Variants in ANK1 observed in about 807,000 individuals in gnomAD.
The protein encoded by ANK1 is ankyrin-1.
A neutral mutation model predicts 210.4 loss-of-function variants in ANK1; 51 were observed. That is an observed-to-expected ratio of 0.24 (90% CI 0.19 to 0.31). ANK1 has a LOEUF of 0.31. Among genes scored for constraint, ANK1 ranks in the 10% least tolerant of loss-of-function variants. The probability of loss-of-function intolerance (pLI) is 1.00; values close to 1 mark genes in which losing one functional copy is unlikely to be tolerated. For synonymous variants in ANK1, 967 were observed against 1,025.9 expected, an observed-to-expected ratio of 0.94 and a Z score of 1.10; for missense variants, 2,051 against 2,504.4, an observed-to-expected ratio of 0.82 and a Z score of 3.86.
chr8:41,707,573 C>T lies in ANK1; in HGVS notation c.1998+1205G>A, dbSNP rs569998771. On this transcript the variant is annotated intron_variant, in intron 17 of 42. Coordinates refer to ENST00000289734, the MANE Select transcript of ANK1 (RefSeq NM_000037.4). ...GGAGTGACTGTGTCAGCCTCTCAGG[C>T]GGGCGCTCTGCCTCATTCTTGAGCT... Among the ~76,000 whole-genome samples the T allele has an allele frequency of 5.3e-5, 8 of 152,306 alleles. No individual in the cohort carries two copies. In the South Asian group the frequency reaches 1.0e-3, roughly 20 times the overall value.
intron 36 of ANK1, among the ~76,000 whole-genome samples, chr8:41,685,203 A>G (rs1384585718): frequency 2.6e-5 from 4 of 152,242 alleles, no homozygotes; most frequent in African/African-American, 7.2e-5. Flanking sequence ...TGCTGGGATT[A>G]TAGGCATGAG....
intron 1 of ANK1, among the ~76,000 whole-genome samples, chr8:41,887,231 T>TCTTTC (rs1451364476): frequency 2.7e-5 from 4 of 147,172 alleles, no homozygotes; most frequent in Non-Finnish European, 4.4e-5. Context: ...TTTCTTCTTT[T>TCTTTC]CTTTCCTTTC....
Position 41,724,031 on chromosome 8 carries a change from G to A in ANK1, c.712-398C>T, listed in dbSNP as rs182410342. Among the ~76,000 whole-genome samples, 1,052 of 151,786 alleles carry A rather than the reference G, an allele frequency of 6.9e-3. 13 individuals are homozygous for A. Among genetic ancestry groups the A allele is most frequent in the East Asian group, 0.055 (280 of 5,130 alleles). Reference sequence around the variant, plus strand: ...TCTCGATCTCCTGACCTCGTGATCCGCCCGTCTCGGCCTCCCAAAGTGCTG... The same window carrying A: ...TCTCGATCTCCTGACCTCGTGATCCACCCGTCTCGGCCTCCCAAAGTGCTG... On this transcript the variant is annotated intron_variant, in intron 7 of 42. Transcript: ENST00000289734.
chr8:41,726,811 A>T (rs1830809423), intron 5 of ANK1, among the ~76,000 whole-genome samples: 1 of 152,012 alleles, frequency 6.6e-6, no homozygotes, highest in Non-Finnish European at 1.5e-5. Context: ...GAGTCAAGAG[A>T]CTCCTTGGCT....
chr8:41,874,983 G>T (rs1301105503), intron 1 of ANK1, among the ~76,000 whole-genome samples: 1 of 152,152 alleles, frequency 6.6e-6, no homozygotes, highest in Non-Finnish European at 1.5e-5. Context: ...GCACCCTCAG[G>T]AGAGACTGGG....
intron 39 of ANK1, 32 bp from the exon 40 acceptor site, chr8:41,663,774 T>C (rs1809370219): frequency 6.4e-7 from 1 of 1,558,458 alleles, no homozygotes; most frequent in South Asian, 1.1e-5. Context: ...AAATGCAAGA[T>C]TGGTGAGTGG....
chr8:41,666,077 A>G lies in ANK1; in HGVS notation c.5394+2190T>C, dbSNP rs1195409773. Among the ~76,000 whole-genome samples the G allele has an allele frequency of 3.3e-5, 5 of 152,262 alleles. No individual in the cohort carries two copies. The East Asian group carries it at 9.6e-4, about 29-fold the overall frequency. ...CTGGGACACAGCAGACTAACCCTGCAACTCACCTACTGTGGGGTCTTGGGA... is the reference window on the plus strand; with the variant it reads ...CTGGGACACAGCAGACTAACCCTGCGACTCACCTACTGTGGGGTCTTGGGA... On this transcript the variant is annotated intron_variant, in intron 39 of 42. Transcript: ENST00000289734.
intron 2 of ANK1, among the ~76,000 whole-genome samples, chr8:41,749,942 A>G (rs889759737): frequency 6.6e-6 from 1 of 152,228 alleles, no homozygotes; most frequent in African/African-American, 2.4e-5. Context: ...CCAACTCCCC[A>G]AATCCAAAGT....
chr8:41,894,769 G>A (rs1348008516), intron 1 of ANK1, among the ~76,000 whole-genome samples: 1 of 151,904 alleles, frequency 6.6e-6, no homozygotes, highest in Non-Finnish European at 1.5e-5. Flanking sequence ...GGTGAGCATC[G>A]CAGCGTAGAG....
chr8:41,750,024 A>G (rs972912991), intron 2 of ANK1, among the ~76,000 whole-genome samples: 1 of 152,236 alleles, frequency 6.6e-6, no homozygotes, highest in Non-Finnish European at 1.5e-5. Context: ...TGGAAATTGA[A>G]TGCCGTGAGC....
In ANK1 at chr8:41,672,797, G is replaced by A. The variant is rs771901218; in HGVS notation, c.4653C>T (p.Pro1551=). The A allele has an allele frequency of 6.2e-7, 1 of 1,605,586 alleles. No individual in the cohort carries two copies. The highest frequency in any genetic ancestry group is 8.5e-7 in the Non-Finnish European group (1 of 1,174,418). The change falls in exon 38 of 43, where the codon CCC becomes CCT. Residue 1551 remains proline (P), a synonymous_variant. Transcript: ENST00000289734. ...WNEVAVLDAI[P]LAATEHDTML... ...TGGTGTCATGCTCCGTGGCCGCCAA[G>A]GGGATGGCGTCTAGGACGGCCACCT...
rs1279872746 is a variant in ANK1 at position 41,715,172 on chromosome 8, A to T, written c.1603-98T>A. On this transcript the variant is annotated intron_variant, in intron 14 of 42. Coordinates refer to ENST00000289734, the MANE Select transcript of ANK1 (RefSeq NM_000037.4). ...GGAGGCTGCACCTCCGCTGGCATGG[A>T]GAGGCCAATGAAAGCAAAGGCACAG... is the stretch of plus-strand genomic sequence containing the variant. 4 of 1,158,394 alleles carry T rather than the reference A, an allele frequency of 3.5e-6. No individual in the cohort carries two copies. The East Asian group carries it at 9.5e-5, about 27-fold the overall frequency. 71.8% of individuals were successfully genotyped at this position (1,158,394 alleles called of 1,614,324 possible).
chr8:41,827,475 A>G (rs1805588246), intron 1 of ANK1, among the ~76,000 whole-genome samples: 1 of 152,214 alleles, frequency 6.6e-6, no homozygotes, highest in African/African-American at 2.4e-5. Context: ...CTCTCCACAT[A>G]CTATCTTCAC....
chr8:41,869,972 A>G (rs1365020396), intron 1 of ANK1, among the ~76,000 whole-genome samples: 1 of 152,216 alleles, frequency 6.6e-6, no homozygotes, highest in Non-Finnish European at 1.5e-5. Flanking sequence ...GATCTAAGAT[A>G]CAGATTCTTG....
rs992692042 is a variant in ANK1, at chr8:41,655,766, AAG to A, written c.*37-15_*37-14del. 2.5e-6 allele frequency: 4 copies of A among 1,613,810 alleles called. No individual in the cohort carries two copies. The African/African-American group carries it at 5.3e-5, about 22-fold the overall frequency. ...TCGAGGTGTGATCCTGGGAGACACA[AAG>A]AGAGAAGGAGTCACTTAGAATGCAA... On this transcript the variant is annotated splice_polypyrimidine_tract_variant and intron_variant, in intron 42 of 42. Transcript: ENST00000289734.
intron 2 of ANK1, among the ~76,000 whole-genome samples, chr8:41,738,338 T>C (rs1179174175): frequency 3.9e-5 from 6 of 152,114 alleles, no homozygotes; most frequent in Admixed American, 2.6e-4. Flanking sequence ...CCTCCAGCAA[T>C]TGGTCTTAGT....
At chr8:41,856,141 T>C (rs1179234682) in intron 1 of ANK1, among the ~76,000 whole-genome samples, 1 of 152,214 alleles carries the variant, frequency 6.6e-6, no homozygotes, top group Non-Finnish European at 1.5e-5. Flanking sequence ...TTTGAGAAAC[T>C]GATGAAAGAA....
intron 1 of ANK1, among the ~76,000 whole-genome samples, chr8:41,761,637 C>T (rs117333164): frequency 0.045 from 6,796 of 152,252 alleles, 234 homozygotes; most frequent in Middle Eastern, 0.075. Flanking sequence ...CGATTTGTTA[C>T]AGCAACCATG....
At chr8:41,707,876 T>C (rs1202683371) in intron 17 of ANK1, among the ~76,000 whole-genome samples, 3 of 152,230 alleles carry the variant, frequency 2.0e-5, no homozygotes, top group Non-Finnish European at 4.4e-5. Flanking sequence ...CTGAAAATGC[T>C]TGCCTTTCTG....
Sources: gnomAD v4.1 joint callset for allele counts (sites outside exome capture counted in the v4.1 genomes callset) on GRCh38, gnomAD v4.1.1 for gene constraint, MANE v1.5 for transcripts, NCBI Gene and HGNC (gene_info 2026-07-23, HGNC 2026-07-21) for gene names.